The following CRNN variants were observed in gnomAD, a reference collection of about 807,000 sequenced individuals.
The protein encoded by CRNN is 53 kDa putative calcium-binding protein.
In CRNN, 39 loss-of-function variants were observed where a neutral mutation model predicts 44.7. The ratio of observed to expected loss-of-function variants is 0.87; its 90% confidence interval spans 0.68 to 1.14. The LOEUF (loss-of-function observed/expected upper bound fraction) is 1.14. Among genes scored for constraint, CRNN ranks in the 50% most tolerant of loss-of-function variants. CRNN has a pLI of 0.00. For missense variants in CRNN, 606 were observed against 605.1 expected, an observed-to-expected ratio of 1.00 and a Z score of -0.02; for synonymous variants, 240 against 231.8, an observed-to-expected ratio of 1.04 and a Z score of -0.32.
At position 152,412,110 on chromosome 1, in the gene CRNN, C is replaced by T; in HGVS notation, c.124G>A (p.Ala42Thr). Residue 42 changes from alanine (A) to threonine (T), a missense_variant, in exon 2 of 3, where the codon GCC becomes ACC. Physicochemically the swap from Ala to Thr is moderately conservative, Grantham distance 58. Transcript: ENST00000271835. ...ELKRLLEQEF[A>T]DVIVKPHDPA... ...GCACACCGTACCACAATCACATCGG[C>T]AAACTCTTGCTCCAAGAGTCTTTTC... The T allele has an allele frequency of 1.2e-6, 2 of 1,608,418 alleles. No individual in the cohort carries two copies. The highest frequency in any genetic ancestry group is 1.7e-6 in the Non-Finnish European group (2 of 1,175,648).
chr1:152,409,573 T>G lies in CRNN; in HGVS notation c.*21A>C. 6.3e-7 allele frequency: 1 copy of G among 1,592,098 alleles called. No homozygotes were observed. Among genetic ancestry groups the G allele is most frequent in the Non-Finnish European group, 8.6e-7 (1 of 1,169,114 alleles). ...CTCTCCAGCTGTCTTCTTCCAGTAC[T>G]GGACATTGGAGTCGGGGAAGTCATG... is the stretch of plus-strand genomic sequence containing the variant. On this transcript the variant is annotated 3_prime_UTR_variant, in exon 3 of 3. Coordinates refer to ENST00000271835, the MANE Select transcript of CRNN (RefSeq NM_016190.3).
chr1:152,412,188 T>C lies in CRNN; in HGVS notation c.46A>G (p.Arg16Gly). The C allele has an allele frequency of 6.2e-7, 1 of 1,613,562 alleles. No individual in the cohort carries two copies. The highest frequency in any genetic ancestry group is 8.5e-7 in the Non-Finnish European group (1 of 1,179,502). Residue 16 changes from arginine (R) to glycine (G), a missense_variant, in exon 2 of 3, where the codon AGG (arginine) becomes GGG (glycine). By Grantham distance (125) the Arg-to-Gly change is moderately radical. Transcript: ENST00000271835. ...TTGCCCTCCGTCCTTGCATAGCGCC[T>C]GAAGGCCTCGATGATCCCATTAATG... ...QNINGIIEAF[R>G]RYARTEGNCT...
In CRNN at chr1:152,410,747, T is replaced by C; in HGVS notation, c.335A>G (p.Glu112Gly). ...GCCACTTCTCTGTCCTTCGCCCAGCTCCTGCGAGGCCCCAGAGTGGAGGCT... is the reference window on the plus strand; with the variant it reads ...GCCACTTCTCTGTCCTTCGCCCAGCCCCTGCGAGGCCCCAGAGTGGAGGCT... ...SGSLHSGASQ[E>G]LGEGQRSGTE... Residue 112 changes from glutamate to glycine, a missense_variant, in exon 3 of 3, where the codon GAG (glutamate) becomes GGG (glycine). Physicochemically the swap from Glu to Gly is moderately conservative, Grantham distance 98. Transcript: ENST00000271835. The C allele has an allele frequency of 6.2e-7, 1 of 1,614,182 alleles. No homozygotes were observed. Among genetic ancestry groups the C allele is most frequent in the South Asian group, 1.1e-5 (1 of 91,082 alleles).
chr1:152,410,626 A>C lies in CRNN; in HGVS notation c.456T>G (p.Val152=), dbSNP rs1349814619. The part of the protein sequence containing the change: ...QGSRGQNRPG[V]QTQGQATGSA... ...AGCCAGTGGCCTGACCCTGGGTCTG[A>C]ACCCCAGGCCTGTTCTGCCCTCTGG... Residue 152 remains valine (V), a synonymous_variant, in exon 3 of 3, where the codon GTT becomes GTG. Coordinates refer to ENST00000271835, the MANE Select transcript of CRNN (RefSeq NM_016190.3). 1 of 1,614,008 alleles carries C rather than the reference A, an allele frequency of 6.2e-7. No individual in the cohort carries two copies. The highest frequency in any genetic ancestry group is 1.7e-5 in the Admixed American group (1 of 60,010).
chr1:152,410,354 T>C lies in CRNN; in HGVS notation c.728A>G (p.Glu243Gly), dbSNP rs1282936032. 2 of 1,614,122 alleles carry C rather than the reference T, an allele frequency of 1.2e-6. No homozygotes were observed. The highest frequency in any genetic ancestry group is 1.7e-6 in the Non-Finnish European group (2 of 1,180,024). Residue 243 changes from glutamate (E) to glycine (G), a missense_variant, in exon 3 of 3, where the codon GAG (glutamate) becomes GGG (glycine). Physicochemically the swap from Glu to Gly is moderately conservative, Grantham distance 98. Coordinates refer to ENST00000271835, the MANE Select transcript of CRNN (RefSeq NM_016190.3). ...QTQAGATQTV[E>G]QDSSHQTGRT... is the part of the protein sequence containing the mutation. Reference sequence around the variant, plus strand: ...TCCTGTCTGGTGGCTGCTGTCCTGCTCCACAGTCTGGGTGGCACCTGCCTG... The same window carrying C: ...TCCTGTCTGGTGGCTGCTGTCCTGCCCCACAGTCTGGGTGGCACCTGCCTG...
Position 152,410,625 on chromosome 1 carries a change from G to C in CRNN, c.457C>G (p.Gln153Glu), listed in dbSNP as rs1655726279. 1.9e-6 allele frequency: 3 copies of C among 1,614,120 alleles called. No homozygotes were observed. Among genetic ancestry groups the C allele is most frequent in the Non-Finnish European group, 2.5e-6 (3 of 1,180,012 alleles). Residue 153 changes from glutamine (Q) to glutamate (E), a missense_variant, in exon 3 of 3, where the codon CAG becomes GAG. Physicochemically the swap from Gln to Glu is conservative, Grantham distance 29. Coordinates refer to ENST00000271835, the MANE Select transcript of CRNN (RefSeq NM_016190.3). ...GAGCCAGTGGCCTGACCCTGGGTCT[G>C]AACCCCAGGCCTGTTCTGCCCTCTG... The part of the protein sequence containing the change: ...GSRGQNRPGV[Q>E]TQGQATGSAW...
chr1:152,413,211 A>T (rs1462210640), intron 1 of CRNN, among the ~76,000 whole-genome samples: 1 of 152,214 alleles, frequency 6.6e-6, no homozygotes, highest in Non-Finnish European at 1.5e-5. Context: ...GTGACCTATG[A>T]GTTGGTTCCT....
Position 152,409,437 on chromosome 1 carries a change from C to CT in CRNN, c.*156dup. 1 of 1,340,104 alleles carries CT rather than the reference C, an allele frequency of 7.5e-7. No individual in the cohort carries two copies. The highest frequency in any genetic ancestry group is 9.9e-7 in the Non-Finnish European group (1 of 1,008,554). The allele number at this position is 1,340,104 out of a possible 1,614,324, so 83.0% of individuals were successfully genotyped here. A position where few individuals can be genotyped will look rare whatever the true frequency, so the allele number is the denominator to read the frequency against. ...AGAAAGAAGAGTTCAGGATAGAAAG[C>CT]TCCTTGCAGAAATTATCTCATTGAG... is the stretch of plus-strand genomic sequence containing the variant. On this transcript the variant is annotated 3_prime_UTR_variant, in exon 3 of 3. Coordinates refer to ENST00000271835, the MANE Select transcript of CRNN (RefSeq NM_016190.3).
chr1:152,411,228 A>G (rs1247545902), intron 2 of CRNN, among the ~76,000 whole-genome samples: 3 of 152,220 alleles, frequency 2.0e-5, no homozygotes, highest in South Asian at 2.1e-4. Context: ...TGAATTCACA[A>G]TGCAACTGTT....
chr1:152,413,878 C>T (rs991032494), intron 1 of CRNN, among the ~76,000 whole-genome samples: 2 of 152,204 alleles, frequency 1.3e-5, no homozygotes, highest in East Asian at 3.9e-4. Flanking sequence ...CATAAGTAAA[C>T]TGATTCTGAT....
chr1:152,413,679 T>A (rs116551982), intron 1 of CRNN, among the ~76,000 whole-genome samples: 1,650 of 152,312 alleles, frequency 0.011, 27 homozygotes, highest in African/African-American at 0.038. Flanking sequence ...TCTTTTTTTT[T>A]AAAACCATGT....
rs903229990 is a variant in CRNN at position 152,410,665 on chromosome 1, CT to C, written c.416del (p.Gln139ArgfsTer41). The C allele has an allele frequency of 1.9e-6, 3 of 1,614,078 alleles. No homozygotes were observed. The Admixed American group carries it at 5.0e-5, about 27-fold the overall frequency. On this transcript the variant is annotated frameshift_variant, in exon 3 of 3. Coordinates refer to ENST00000271835, the MANE Select transcript of CRNN (RefSeq NM_016190.3). LOFTEE classifies it high-confidence loss of function. ...TCTGCCCTCTGGAACCCTGCTGGCT[CT>C]GTCTGTGGCTGCTCCCCTCATAATG... is the stretch of plus-strand genomic sequence containing the variant. ...GQHYEGSSHR[Q>X]SQQGSRGQNR...
At position 152,409,877 on chromosome 1, in the gene CRNN, C is replaced by T. The variant is rs746988337; in HGVS notation, c.1205G>A (p.Gly402Glu). 3.1e-6 allele frequency: 5 copies of T among 1,614,224 alleles called. No individual in the cohort carries two copies. In the South Asian group the frequency reaches 3.3e-5, roughly 11 times the overall value. The change falls in exon 3 of 3, where the codon GGA becomes GAA. Residue 402 changes from glycine (G) to glutamate (E), a missense_variant. Coordinates refer to ENST00000271835, the MANE Select transcript of CRNN (RefSeq NM_016190.3). Reference protein sequence around the residue: ...NPEAGETVPGGQAQTGASTES... With the variant: ...NPEAGETVPGEQAQTGASTES... ...AGTGCTTGCCCCAGTCTGGGCCTGT[C>T]CTCCCGGTACTGTCTCTCCTGCCTC...
At chr1:152,411,067 A>C (rs1003124119) in intron 2 of CRNN, 124 bp from the exon 3 acceptor site, 8 of 1,419,786 alleles carry the variant, frequency 5.6e-6, no homozygotes, top group Admixed American at 3.1e-5. Context: ...CGGCTAGAGC[A>C]GCAGCAAGAC....
rs1655680352 is a variant in CRNN at position 152,409,495 on chromosome 1, G to A, written c.*99C>T. 1.8e-5 allele frequency: 28 copies of A among 1,513,536 alleles called. No homozygotes were observed. The South Asian group carries it at 3.5e-4, about 19-fold the overall frequency. 93.8% of individuals were successfully genotyped at this position (1,513,536 alleles called of 1,614,324 possible). ...TAAAAGGGAAGCTGCATAATGAAGA[G>A]CTGATGTCCAGGGATGCACCCACTG... is the stretch of plus-strand genomic sequence containing the variant. On this transcript the variant is annotated 3_prime_UTR_variant, in exon 3 of 3. Coordinates refer to ENST00000271835, the MANE Select transcript of CRNN (RefSeq NM_016190.3).
At position 152,412,707 on chromosome 1, in the gene CRNN, A is replaced by T. The variant is rs73001322; in HGVS notation, c.-13-461T>A. Among the ~76,000 whole-genome samples the T allele has an allele frequency of 5.5e-3, 844 of 152,342 alleles. 16 individuals carry two copies. Among genetic ancestry groups the T allele is most frequent in the African/African-American group, 0.019 (807 of 41,570 alleles). On this transcript the variant is annotated intron_variant, in intron 1 of 2. Transcript: ENST00000271835. The stretch of plus-strand genomic sequence containing the variant: ...CACCTATATAATCACTTTCCTGTAC[A>T]TCATCTCTTCTAATCCTTATTATTT...
In CRNN at chr1:152,410,311, T is replaced by G. The variant is rs749385518; in HGVS notation, c.771A>C (p.Thr257=). The G allele has an allele frequency of 6.2e-7, 1 of 1,614,098 alleles. No individual in the cohort carries two copies. Among genetic ancestry groups the G allele is most frequent in the Non-Finnish European group, 8.5e-7 (1 of 1,180,012 alleles). The change falls in exon 3 of 3, where the codon ACA becomes ACC. Residue 257 remains threonine, a synonymous_variant. Transcript: ENST00000271835. The part of the protein sequence containing the change: ...SHQTGRTSKQ[T]QEATNDQNRG... The stretch of plus-strand genomic sequence containing the variant: ...TGTTCTGGTCATTGGTGGCCTCCTG[T>G]GTCTGCTTGCTGGTTCTTCCTGTCT...
intron 2 of CRNN, 26 bp downstream of exon 2, chr1:152,412,070 T>G: frequency 6.3e-7 from 1 of 1,579,462 alleles, no homozygotes; most frequent in Non-Finnish European, 8.7e-7. Context: ...CTATGTCCCC[T>G]CTCCACCCGG....
Position 152,412,091 on chromosome 1 carries a change from C to G in CRNN, c.138+5G>C. 1 of 1,602,498 alleles carries G rather than the reference C, an allele frequency of 6.2e-7. No individual in the cohort carries two copies. Reference sequence around the variant, plus strand: ...CCCCTCTCCACCCGGCTCAGCACACCGTACCACAATCACATCGGCAAACTC... The same window carrying G: ...CCCCTCTCCACCCGGCTCAGCACACGGTACCACAATCACATCGGCAAACTC... On this transcript the variant is annotated splice_donor_5th_base_variant and intron_variant, in intron 2 of 2. Coordinates refer to ENST00000271835, the MANE Select transcript of CRNN (RefSeq NM_016190.3).
Sources: gnomAD v4.1 joint callset for allele counts (sites outside exome capture counted in the v4.1 genomes callset) on GRCh38, gnomAD v4.1.1 for gene constraint, MANE v1.5 for transcripts, NCBI Gene and HGNC (gene_info 2026-07-23, HGNC 2026-07-21) for gene names.